The following FOCAD variants were observed in gnomAD, a reference collection of about 807,000 sequenced individuals.
The protein encoded by FOCAD is KIAA1797.
FOCAD carries 198 observed loss-of-function variants against 225.6 expected under a neutral mutation model. That is an observed-to-expected ratio of 0.88 (90% CI 0.78 to 0.99). The LOEUF is 0.99. Among genes scored for constraint, FOCAD ranks in the 50% least tolerant of loss-of-function variants. The pLI, the probability that FOCAD is intolerant of heterozygous loss-of-function variation, is 0.00. For missense variants in FOCAD, 2,713 were observed against 2,123.6 expected, an observed-to-expected ratio of 1.28 and a Z score of -5.46; for synonymous variants, 897 against 755.0, an observed-to-expected ratio of 1.19 and a Z score of -3.08.
At chr9:20,885,929 C>T (rs1831069104) in intron 21 of FOCAD, among the ~76,000 whole-genome samples, 1 of 152,098 alleles carries the variant, frequency 6.6e-6, no homozygotes, top group South Asian at 2.1e-4. Flanking sequence ...GGTTATATAT[C>T]AGTTATAAGT....
chr9:20,963,399 A>T (rs995420564), intron 35 of FOCAD, among the ~76,000 whole-genome samples: 1 of 152,208 alleles, frequency 6.6e-6, no homozygotes, highest in Non-Finnish European at 1.5e-5. Flanking sequence ...CATATTTCAC[A>T]TGGGGTCCTG....
At chr9:20,905,183 T>C (rs2132006778) in intron 21 of FOCAD, among the ~76,000 whole-genome samples, 1 of 152,118 alleles carries the variant, frequency 6.6e-6, no homozygotes, top group Middle Eastern at 3.4e-3. Context: ...TCAGGCTGGC[T>C]TCTAGGCTGA....
intron 34 of FOCAD, among the ~76,000 whole-genome samples, chr9:20,952,735 G>A (rs1331607898): frequency 1.3e-5 from 2 of 151,840 alleles, no homozygotes; most frequent in East Asian, 1.9e-4. Context: ...TTCATCCTCC[G>A]TAATTTTTTT....
intron 4 of FOCAD, among the ~76,000 whole-genome samples, chr9:20,734,943 G>T (rs1827022260): frequency 6.6e-6 from 1 of 152,038 alleles, no homozygotes; most frequent in South Asian, 2.1e-4. Context: ...TATAGATAAG[G>T]GTATGTCTAT....
chr9:20,938,370 C>T (rs1378272332), intron 28 of FOCAD, among the ~76,000 whole-genome samples: 3 of 151,980 alleles, frequency 2.0e-5, no homozygotes, highest in African/African-American at 4.8e-5. Context: ...GAAAATGTGG[C>T]ACATATACAC....
chr9:20,685,822 C>G (rs1371556596), intron 1 of FOCAD, among the ~76,000 whole-genome samples: 2 of 152,132 alleles, frequency 1.3e-5, no homozygotes, highest in African/African-American at 2.4e-5. Flanking sequence ...ATTGTTGTCT[C>G]CAGTTGACGC....
chr9:20,962,331 TAGAAC>T (rs1328180091), intron 35 of FOCAD, among the ~76,000 whole-genome samples: 3 of 152,098 alleles, frequency 2.0e-5, no homozygotes, highest in South Asian at 2.1e-4. Context: ...CGTAAATACT[TAGAAC>T]AGATTGGCAT....
chr9:20,767,580 A>G (rs1830161522), intron 7 of FOCAD, among the ~76,000 whole-genome samples: 3 of 151,358 alleles, frequency 2.0e-5, no homozygotes, highest in Admixed American at 6.6e-5. Flanking sequence ...GGCCAGTGAT[A>G]ATGAGGATTT....
intron 23 of FOCAD, among the ~76,000 whole-genome samples, chr9:20,914,415 G>A (rs146819331): frequency 2.0e-5 from 3 of 152,210 alleles, no homozygotes; most frequent in Non-Finnish European, 2.9e-5. Context: ...AATAAAGTAC[G>A]ATAGAGGGAA....
chr9:20,695,026 G>T (rs1823244129), intron 1 of FOCAD, among the ~76,000 whole-genome samples: 1 of 152,120 alleles, frequency 6.6e-6, no homozygotes, highest in East Asian at 1.9e-4. Context: ...CCATGTCATT[G>T]ATTTGTTGGA....
rs550607791 is a variant in FOCAD, at chr9:20,975,480, T to C, written c.4133-940T>C. Among the ~76,000 whole-genome samples the C allele has an allele frequency of 4.6e-5, 7 of 152,278 alleles. No homozygotes were observed. In the South Asian group the frequency reaches 1.2e-3, roughly 27 times the overall value. ...AACTAGAGACTCCCAAGGTACAGAATGCAGTCTAGGACTACAGAGACTAGG... is the reference window on the plus strand; with the variant it reads ...AACTAGAGACTCCCAAGGTACAGAACGCAGTCTAGGACTACAGAGACTAGG... On this transcript the variant is annotated intron_variant, in intron 35 of 43. Coordinates refer to ENST00000338382, the MANE Select transcript of FOCAD (RefSeq NM_001375567.1).
intron 26 of FOCAD, 57 bp from the exon 27 acceptor site, chr9:20,929,301 G>C (rs1216760071): frequency 5.9e-6 from 8 of 1,351,364 alleles, no homozygotes; most frequent in Non-Finnish European, 8.4e-6. Context: ...TTTTATGATA[G>C]GTATGCTTCC....
rs376862300 is a variant in FOCAD, at chr9:20,740,334, C to G, written c.386C>G (p.Thr129Ser). ...GGEKNIQSIY[T>S]IRNHPHPLIT... is the part of the protein sequence containing the mutation. ...GAAAAGAATATTCAGAGTATATATA[C>G]CATTAGGTAAGCCTTTTTTCTGTTT... Residue 129 changes from threonine (T) to serine (S), a missense_variant, in exon 5 of 44, where the codon ACC becomes AGC. Coordinates refer to ENST00000338382, the MANE Select transcript of FOCAD (RefSeq NM_001375567.1). 3 of 1,550,930 alleles carry G rather than the reference C, an allele frequency of 1.9e-6. No homozygotes were observed. The highest frequency in any genetic ancestry group is 1.4e-5 in the African/African-American group (1 of 71,272).
intron 1 of FOCAD, among the ~76,000 whole-genome samples, chr9:20,690,807 A>T (rs1433767639): frequency 6.6e-6 from 1 of 151,966 alleles, no homozygotes; most frequent in African/African-American, 2.4e-5. Context: ...CTGGGCCCAG[A>T]GTGCTGGGAT....
chr9:20,684,832 T>A (rs1822563610), intron 1 of FOCAD: 1 of 152,320 alleles, frequency 6.6e-6, no homozygotes, highest in African/African-American at 2.4e-5. Context: ...AGGGCCTGTT[T>A]TCAGTCTCCT....
intron 11 of FOCAD, among the ~76,000 whole-genome samples, chr9:20,801,635 A>G (rs1821849847): frequency 6.6e-6 from 1 of 152,130 alleles, no homozygotes; most frequent in Admixed American, 6.5e-5. Flanking sequence ...CTTGAGTATC[A>G]TTTTTGAGCA....
intron 5 of FOCAD, among the ~76,000 whole-genome samples, chr9:20,742,689 T>C (rs988665036): frequency 1.3e-5 from 2 of 152,228 alleles, no homozygotes; most frequent in African/African-American, 4.8e-5. Context: ...TAATCCTGAT[T>C]GTCTTCACCG....
intron 35 of FOCAD, among the ~76,000 whole-genome samples, chr9:20,956,420 G>A (rs1334391221): frequency 6.6e-6 from 1 of 152,082 alleles, no homozygotes; most frequent in African/African-American, 2.4e-5. Flanking sequence ...GTATATAGAA[G>A]AAAATAAGAC....
intron 11 of FOCAD, among the ~76,000 whole-genome samples, chr9:20,790,746 G>A (rs771687269): frequency 1.3e-5 from 2 of 152,100 alleles, no homozygotes; most frequent in African/African-American, 2.4e-5. Context: ...ACTTCAGCCT[G>A]GGACTCTGTC....
Sources: allele counts gnomAD v4.1 joint callset (sites outside exome capture counted in the v4.1 genomes callset), GRCh38; gene constraint gnomAD v4.1.1; transcripts MANE v1.5; gene names NCBI Gene and HGNC (gene_info 2026-07-23, HGNC 2026-07-21).